The following MFHAS1 variants were observed in gnomAD, a reference collection of about 807,000 sequenced individuals.
MFHAS1 encodes malignant fibrous histiocytoma-amplified sequence 1.
A neutral mutation model predicts 70.4 loss-of-function variants in MFHAS1; 50 were observed. The observed-to-expected ratio is 0.71, with a 90% CI of 0.57 to 0.90. The LOEUF (loss-of-function observed/expected upper bound fraction) is 0.90, where lower values mean the gene tolerates loss of function less well. MFHAS1 is among the 40% of genes least tolerant of loss of function. MFHAS1 has a pLI of 0.00. For missense variants in MFHAS1, 1,795 were observed against 1,347.6 expected, an observed-to-expected ratio of 1.33 and a Z score of -5.20; for synonymous variants, 952 against 620.0, an observed-to-expected ratio of 1.54 and a Z score of -7.96.
intron 1 of MFHAS1, among the ~76,000 whole-genome samples, chr8:8,801,529 G>A (rs1025439344): frequency 2.0e-5 from 3 of 152,150 alleles, no homozygotes; most frequent in East Asian, 3.8e-4. Flanking sequence ...TTTAAGAAAC[G>A]TGCACAGTTC....
chr8:8,879,115 G>A (rs547223222), intron 1 of MFHAS1, among the ~76,000 whole-genome samples: 57 of 152,232 alleles, frequency 3.7e-4, no homozygotes, highest in African/African-American at 7.5e-4. Context: ...TTGGGAGGCC[G>A]AGGCAGGAGG....
At chr8:8,788,575 G>C (rs1307053540) in intron 2 of MFHAS1, among the ~76,000 whole-genome samples, 1 of 152,072 alleles carries the variant, frequency 6.6e-6, no homozygotes, top group Non-Finnish European at 1.5e-5. Context: ...GCTACTCGGG[G>C]GGCTGAGGCA....
chr8:8,873,831 C>T (rs947882271), intron 1 of MFHAS1, among the ~76,000 whole-genome samples: 7 of 152,180 alleles, frequency 4.6e-5, no homozygotes, highest in Admixed American at 3.3e-4. Flanking sequence ...TGATTTCTTA[C>T]ATGGACAGAA....
intron 1 of MFHAS1, among the ~76,000 whole-genome samples, chr8:8,828,122 C>G (rs1410247520): frequency 6.6e-6 from 1 of 152,096 alleles, no homozygotes; most frequent in Non-Finnish European, 1.5e-5. Flanking sequence ...TGACATATGC[C>G]CTACCTTCGA....
intron 1 of MFHAS1, among the ~76,000 whole-genome samples, chr8:8,881,348 A>G (rs548883588): frequency 8.6e-4 from 131 of 152,326 alleles, no homozygotes; most frequent in Non-Finnish European, 1.8e-3. Context: ...TTATCCACGC[A>G]GCCACCATCA....
intron 1 of MFHAS1, among the ~76,000 whole-genome samples, chr8:8,875,379 AT>A (rs1296195907): frequency 2.6e-5 from 4 of 152,260 alleles, no homozygotes; most frequent in African/African-American, 9.6e-5. Context: ...TTATGCAAGC[AT>A]TTTTAATTAC....
intron 1 of MFHAS1, among the ~76,000 whole-genome samples, chr8:8,866,233 G>C (rs375570072): frequency 5.1e-4 from 78 of 152,042 alleles, no homozygotes; most frequent in African/African-American, 1.9e-3. Context: ...ACTGATCCCT[G>C]TTTTATCAGA....
chr8:8,828,140 T>G (rs1807233028), intron 1 of MFHAS1, among the ~76,000 whole-genome samples: 1 of 152,156 alleles, frequency 6.6e-6, no homozygotes, highest in Admixed American at 6.5e-5. Flanking sequence ...CGAGAATGTT[T>G]CAGTGAATGA....
chr8:8,811,601 G>T (rs1806549761), intron 1 of MFHAS1, among the ~76,000 whole-genome samples: 1 of 152,114 alleles, frequency 6.6e-6, no homozygotes, highest in South Asian at 2.1e-4. Context: ...TTCTCCTTTG[G>T]GTAACTAACG....
chr8:8,870,694 C>G (rs1476811028), intron 1 of MFHAS1, among the ~76,000 whole-genome samples: 2 of 152,070 alleles, frequency 1.3e-5, no homozygotes, highest in African/African-American at 2.4e-5. Context: ...CCTCTCCGAG[C>G]CCCTGGAGAT....
chr8:8,836,426 T>TG (rs1400030402), intron 1 of MFHAS1, among the ~76,000 whole-genome samples: 1 of 152,206 alleles, frequency 6.6e-6, no homozygotes, highest in East Asian at 1.9e-4. Flanking sequence ...CTGCCCAGGC[T>TG]GGAGTGCAGT....
At chr8:8,877,315 A>AAAAAAAAAAAC (rs1267478702) in intron 1 of MFHAS1, among the ~76,000 whole-genome samples, 1 of 150,720 alleles carries the variant, frequency 6.6e-6, no homozygotes, top group African/African-American at 2.5e-5. Flanking sequence ...AAAAAAAAAA[A>AAAAAAAAAAAC]AAAAACTACG....
chr8:8,850,326 T>A (rs1451097999), intron 1 of MFHAS1, among the ~76,000 whole-genome samples: 1 of 152,240 alleles, frequency 6.6e-6, no homozygotes, highest in African/African-American at 2.4e-5. Context: ...AATTTCCCAC[T>A]TTTTATTAAA....
chr8:8,816,143 C>A (rs1585031409), intron 1 of MFHAS1, among the ~76,000 whole-genome samples: 1 of 152,042 alleles, frequency 6.6e-6, no homozygotes, highest in Admixed American at 6.5e-5. Flanking sequence ...TCAGTGGCTG[C>A]TGGGGGTGAG....
At chr8:8,830,305 C>T (rs1422605704) in intron 1 of MFHAS1, among the ~76,000 whole-genome samples, 2 of 152,272 alleles carry the variant, frequency 1.3e-5, no homozygotes, top group Non-Finnish European at 2.9e-5. Context: ...TCAGGATTTT[C>T]CTGAAGCATT....
intron 1 of MFHAS1, among the ~76,000 whole-genome samples, chr8:8,833,548 G>T (rs185388792): frequency 1.3e-5 from 2 of 152,244 alleles, no homozygotes; most frequent in East Asian, 3.9e-4. Context: ...AAGACTGCTT[G>T]AAACCAGGAG....
intron 2 of MFHAS1, among the ~76,000 whole-genome samples, chr8:8,796,649 A>G (rs529457427): frequency 3.2e-5 from 4 of 126,280 alleles, no homozygotes; most frequent in South Asian, 2.7e-4. Flanking sequence ...GCGCCACTGC[A>G]CTCCAGCCTG....
chr8:8,853,071 G>T (rs773845274), intron 1 of MFHAS1, among the ~76,000 whole-genome samples: 2 of 152,108 alleles, frequency 1.3e-5, no homozygotes, highest in Non-Finnish European at 2.9e-5. Flanking sequence ...GGCTCAGTCC[G>T]TGTGTCTGCT....
Position 8,784,524 on chromosome 8 carries a change from T to A in MFHAS1, c.*1498A>T, listed in dbSNP as rs775065984. 6.6e-6 allele frequency: 1 copy of A among 152,322 alleles called. No individual in the cohort carries two copies. The highest frequency in any genetic ancestry group is 2.1e-4 in the South Asian group (1 of 4,824). 9.4% of individuals were successfully genotyped at this position (152,322 alleles called of 1,614,324 possible). ...AAATTAATGCCTGGGGCACAAAATA[T>A]TCTACAAAAATCGGTTTGTGATTTC... On this transcript the variant is annotated 3_prime_UTR_variant, in exon 3 of 3. Transcript: ENST00000276282.
Sources: gnomAD v4.1 joint callset for allele counts (sites outside exome capture counted in the v4.1 genomes callset) on GRCh38, gnomAD v4.1.1 for gene constraint, MANE v1.5 for transcripts, NCBI Gene and HGNC (gene_info 2026-07-23, HGNC 2026-07-21) for gene names.